MRPS5: variants seen among roughly 807,000 people sequenced by gnomAD.
MRPS5 encodes small ribosomal subunit protein uS5m.
In MRPS5, 27 loss-of-function variants were observed where a neutral mutation model predicts 51.9. The ratio of observed to expected loss-of-function variants is 0.52; its 90% CI spans 0.38 to 0.72. MRPS5 has a LOEUF of 0.72. Ranked by LOEUF, MRPS5 falls within the 30% of genes least tolerant of loss-of-function variation. MRPS5 has a pLI of 0.00. For synonymous variants in MRPS5, 196 were observed against 193.2 expected (o/e 1.01, Z -0.12); for missense variants, 570 against 545.7 (o/e 1.04, Z -0.44).
chr2:95,104,436 C>A, intron 7 of MRPS5: 1 of 605,706 alleles, frequency 1.7e-6, no homozygotes. Context: ...GAGGAAAAGG[C>A]AAGTACAGTA....
intron 6 of MRPS5, among the ~76,000 whole-genome samples, chr2:95,105,873 T>C (rs1398749243): frequency 6.6e-6 from 1 of 152,216 alleles, no homozygotes; most frequent in African/African-American, 2.4e-5. Flanking sequence ...ACATGGTATT[T>C]AACACTGAGC....
At chr2:95,090,626 G>A in intron 10 of MRPS5, 104 bp from the exon 11 acceptor site, 2 of 1,362,788 alleles carry the variant, frequency 1.5e-6, no homozygotes, top group South Asian at 2.6e-5. Context: ...TCGGGAAACT[G>A]GTTCATATTC....
chr2:95,106,385 C>A (rs373819000), intron 6 of MRPS5, 38 bp downstream of exon 6: 171 of 924,976 alleles, frequency 1.8e-4, no homozygotes, highest in Non-Finnish European at 1.0e-4. Flanking sequence ...CCCAACCTCT[C>A]CAAAGGCTTA....
chr2:95,117,274 G>C (rs1348729259), intron 2 of MRPS5, among the ~76,000 whole-genome samples: 2 of 151,952 alleles, frequency 1.3e-5, no homozygotes. Flanking sequence ...CAGCTGATCA[G>C]TGATGTGTTT....
chr2:95,100,410 G>A (rs1007085789), intron 10 of MRPS5, 64 bp downstream of exon 10: 14 of 1,191,050 alleles, frequency 1.2e-5, no homozygotes, highest in Admixed American at 1.0e-4. Flanking sequence ...AAATAGAGGA[G>A]AGGATAGAAC....
intron 6 of MRPS5, 118 bp downstream of exon 6, chr2:95,106,305 G>T (rs1473063126): frequency 2.5e-5 from 21 of 826,642 alleles, no homozygotes; most frequent in Non-Finnish European, 4.4e-5. Flanking sequence ...GATCAGCTGT[G>T]TGTCAGAAAT....
chr2:95,110,237 C>A (rs1336178010), intron 3 of MRPS5, among the ~76,000 whole-genome samples, 196 bp from the exon 4 acceptor site: 2 of 152,202 alleles, frequency 1.3e-5, no homozygotes, highest in Non-Finnish European at 2.9e-5. Flanking sequence ...AGAGACAATT[C>A]TATTACTTTC....
At chr2:95,101,301 T>C (rs1273342294) in intron 8 of MRPS5, among the ~76,000 whole-genome samples, 2 of 151,740 alleles carry the variant, frequency 1.3e-5, no homozygotes, top group Non-Finnish European at 2.9e-5. Flanking sequence ...GGAGAATCAC[T>C]TGAATTCAGG....
At chr2:95,108,894 T>TAA (rs1676034173) in intron 4 of MRPS5, among the ~76,000 whole-genome samples, 1 of 152,166 alleles carries the variant, frequency 6.6e-6, no homozygotes, top group Non-Finnish European at 1.5e-5. Flanking sequence ...AGAAGATATC[T>TAA]ATTTCTTTTT....
chr2:95,111,889 T>C (rs1573347273), intron 3 of MRPS5, among the ~76,000 whole-genome samples: 1 of 152,192 alleles, frequency 6.6e-6, no homozygotes, highest in Non-Finnish European at 1.5e-5. Context: ...GGCTGCAAGG[T>C]GAATTAAGTT....
rs552323384 is a variant in MRPS5 at position 95,103,448 on chromosome 2, G to A, written c.763+1192C>T. Among the ~76,000 whole-genome samples the A allele has an allele frequency of 8.5e-5, 13 of 152,312 alleles. No homozygotes were observed. In the South Asian group the frequency reaches 1.9e-3, roughly 22 times the overall value. On this transcript the variant is annotated intron_variant, in intron 7 of 11. Transcript: ENST00000272418. Reference sequence around the variant, plus strand: ...CAATCAGTAAGGTCTGATGAAACCCGAAGTTGGCAAGGGTGAGATGGTGTA... The same window carrying A: ...CAATCAGTAAGGTCTGATGAAACCCAAAGTTGGCAAGGGTGAGATGGTGTA...
chr2:95,115,211 C>G lies in MRPS5; in HGVS notation c.140-8G>C. ...CCAGTGATGACAAATGGCCTGTAGG[C>G]AGATGGGTTAAACTTTGAGTTAGAT... On this transcript the variant is annotated splice_region_variant and splice_polypyrimidine_tract_variant and intron_variant, in intron 2 of 11. Transcript: ENST00000272418. The G allele has an allele frequency of 1.3e-6, 2 of 1,581,340 alleles. No homozygotes were observed. Among genetic ancestry groups the G allele is most frequent in the Non-Finnish European group, 8.6e-7 (1 of 1,168,652 alleles).
chr2:95,102,533 G>A (rs1183334045), intron 7 of MRPS5, among the ~76,000 whole-genome samples: 1 of 152,074 alleles, frequency 6.6e-6, no homozygotes, highest in Non-Finnish European at 1.5e-5. Context: ...ATAGTGGTAG[G>A]TGCCTGTAAT....
chr2:95,096,713 C>A (rs2104401421), intron 10 of MRPS5, among the ~76,000 whole-genome samples: 1 of 152,224 alleles, frequency 6.6e-6, no homozygotes, highest in East Asian at 1.9e-4. Flanking sequence ...CTATTTATGA[C>A]AAACCCACAG....
chr2:95,107,756 G>C (rs924163140), intron 5 of MRPS5, among the ~76,000 whole-genome samples: 1 of 152,110 alleles, frequency 6.6e-6, no homozygotes, highest in African/African-American at 2.4e-5. Context: ...TTCAATTTTT[G>C]CTTCATTTGT....
intron 2 of MRPS5, among the ~76,000 whole-genome samples, chr2:95,116,858 G>A (rs1480253339): frequency 6.6e-6 from 1 of 152,176 alleles, no homozygotes; most frequent in Non-Finnish European, 1.5e-5. Flanking sequence ...TTAGCTGGGT[G>A]TGGTGGCACA....
chr2:95,090,408 A>G lies in MRPS5; in HGVS notation c.1046T>C (p.Leu349Pro). 6.2e-7 allele frequency: 1 copy of G among 1,613,828 alleles called. No individual in the cohort carries two copies. The highest frequency in any genetic ancestry group is 8.5e-7 in the Non-Finnish European group (1 of 1,179,930). Reference protein sequence around the residue: ...SINMLSLTQGLFRGLSRQETH... With the variant: ...SINMLSLTQGPFRGLSRQETH... ...TACCTGTCTGGAGAGCCCACGGAAG[A>G]GGCCCTGGGTGAGGCTGAGCATATT... Residue 349 changes from leucine to proline, a missense_variant, in exon 11 of 12, where the codon CTC becomes CCC. Leu to Pro is a moderately conservative substitution (Grantham distance 98). Transcript: ENST00000272418.
chr2:95,090,373 G>T lies in MRPS5; in HGVS notation c.1068+13C>A, dbSNP rs553721796. On this transcript the variant is annotated intron_variant, in intron 11 of 11. Coordinates refer to ENST00000272418, the MANE Select transcript of MRPS5 (RefSeq NM_031902.5). ...AACTAGAACCTCTGTTTCAGACCCC[G>T]GGAAAGGATTACCTGTCTGGAGAGC... 31 of 1,612,424 alleles carry T rather than the reference G, an allele frequency of 1.9e-5. No individual in the cohort carries two copies. The highest frequency in any genetic ancestry group is 2.5e-6 in the Non-Finnish European group (3 of 1,179,728).
Position 95,087,320 on chromosome 2 carries a change from G to A in MRPS5, c.*37C>T, listed in dbSNP as rs748022285. 6.4e-7 allele frequency: 1 copy of A among 1,563,850 alleles called. No homozygotes were observed. Among genetic ancestry groups the A allele is most frequent in the Non-Finnish European group, 8.8e-7 (1 of 1,135,126 alleles). On this transcript the variant is annotated 3_prime_UTR_variant, in exon 12 of 12. Coordinates refer to ENST00000272418, the MANE Select transcript of MRPS5 (RefSeq NM_031902.5). ...AGGGGCTGAGTCTCTCCTAGGTGCA[G>A]GGCAGCACAGGAACTGGCTGCACAA...
Sources: allele counts gnomAD v4.1 joint callset (sites outside exome capture counted in the v4.1 genomes callset), GRCh38; gene constraint gnomAD v4.1.1; transcripts MANE v1.5; gene names NCBI Gene and HGNC (gene_info 2026-07-23, HGNC 2026-07-21).